The following MALRD1 variants were observed in gnomAD, a reference collection of about 807,000 sequenced individuals.
MALRD1 encodes the protein MAM and LDL-receptor class A domain-containing protein 1.
Under a neutral mutation model 242.1 loss-of-function variants are expected in MALRD1, and 247 were observed. That is an observed-to-expected ratio of 1.02 (90% CI 0.92 to 1.13). The LOEUF is 1.13. Ranked by LOEUF, MALRD1 falls within the 50% of genes most tolerant of loss-of-function variation. MALRD1 has a pLI of 0.00. For synonymous variants in MALRD1, 995 were observed against 866.6 expected, an observed-to-expected ratio of 1.15 and a Z score of -2.60; for missense variants, 2,989 against 2,533.1, an observed-to-expected ratio of 1.18 and a Z score of -3.86.
chr10:19,077,727 C>A (rs1835360620), intron 2 of MALRD1, among the ~76,000 whole-genome samples: 1 of 151,858 alleles, frequency 6.6e-6, no homozygotes, highest in Non-Finnish European at 1.5e-5. Flanking sequence ...TGGAGTGACA[C>A]ATCAGTTAAG....
chr10:19,624,061 G>T (rs759759781), intron 36 of MALRD1, among the ~76,000 whole-genome samples: 10 of 152,226 alleles, frequency 6.6e-5, no homozygotes, highest in Non-Finnish European at 1.3e-4. Context: ...TTTGCTAATT[G>T]CTAATGCGAA....
intron 7 of MALRD1, 133 bp downstream of exon 7, chr10:19,124,803 G>T: frequency 1.4e-6 from 1 of 690,766 alleles, no homozygotes; most frequent in East Asian, 3.4e-5. Context: ...TTCTGCCAAA[G>T]GAGCTGAAGG....
intron 33 of MALRD1, among the ~76,000 whole-genome samples, chr10:19,584,436 G>T (rs9731950): frequency 6.6e-6 from 1 of 151,770 alleles, no homozygotes; most frequent in Non-Finnish European, 1.5e-5. Flanking sequence ...CTTTGTTCTC[G>T]TAGGTTTCAA....
intron 38 of MALRD1, chr10:19,721,559 C>A (rs907338083): frequency 6.6e-6 from 1 of 151,734 alleles, no homozygotes; most frequent in Non-Finnish European, 1.5e-5. Context: ...CTAGTAGTAA[C>A]AAATCACATA....
At chr10:19,573,933 T>C (rs1038037305) in intron 33 of MALRD1, among the ~76,000 whole-genome samples, 1 of 152,168 alleles carries the variant, frequency 6.6e-6, no homozygotes, top group Non-Finnish European at 1.5e-5. Flanking sequence ...TTTGTTGTTA[T>C]TGAATTGAAA....
intron 36 of MALRD1, among the ~76,000 whole-genome samples, chr10:19,650,274 C>G (rs181138910): frequency 1.5e-3 from 225 of 152,190 alleles, no homozygotes; most frequent in Admixed American, 5.3e-3. Context: ...AAAAATATCA[C>G]TGAAAGCGAA....
At chr10:19,628,574 A>C (rs1839776804) in intron 36 of MALRD1, among the ~76,000 whole-genome samples, 1 of 152,100 alleles carries the variant, frequency 6.6e-6, no homozygotes, top group Admixed American at 6.6e-5. Flanking sequence ...TATGAAAAAG[A>C]AAAAAAGGAA....
chr10:19,375,877 A>C (rs2130765945), intron 26 of MALRD1, among the ~76,000 whole-genome samples: 1 of 152,334 alleles, frequency 6.6e-6, no homozygotes, highest in Admixed American at 6.5e-5. Flanking sequence ...TAATCCCAGC[A>C]CTTTGGGAGG....
intron 21 of MALRD1, among the ~76,000 whole-genome samples, chr10:19,286,557 C>T (rs1841130199): frequency 6.6e-6 from 1 of 152,096 alleles, no homozygotes; most frequent in Non-Finnish European, 1.5e-5. Context: ...CACAAATAAA[C>T]TAGAAAATCT....
chr10:19,410,583 A>G (rs1387211383), intron 28 of MALRD1, among the ~76,000 whole-genome samples: 1 of 152,028 alleles, frequency 6.6e-6, no homozygotes, highest in Non-Finnish European at 1.5e-5. Flanking sequence ...TTGATAATGG[A>G]CGCTAGGAAA....
intron 21 of MALRD1, among the ~76,000 whole-genome samples, chr10:19,286,700 T>A (rs2131902190): frequency 6.7e-6 from 1 of 150,338 alleles, no homozygotes; most frequent in Non-Finnish European, 1.5e-5. Flanking sequence ...CCAAAAAGAG[T>A]CCAGGACCAG....
chr10:19,290,772 C>A (rs968674063), intron 21 of MALRD1, among the ~76,000 whole-genome samples: 1 of 152,072 alleles, frequency 6.6e-6, no homozygotes, highest in East Asian at 1.9e-4. Flanking sequence ...ATCATTGAAT[C>A]AAGATACTTG....
chr10:19,162,245 A>G (rs1564432771), intron 12 of MALRD1, among the ~76,000 whole-genome samples: 1 of 152,150 alleles, frequency 6.6e-6, no homozygotes, highest in Non-Finnish European at 1.5e-5. Flanking sequence ...GTAATGCCTT[A>G]TACATTTTTT....
intron 24 of MALRD1, among the ~76,000 whole-genome samples, chr10:19,342,673 G>A (rs1361634178): frequency 6.6e-6 from 1 of 152,088 alleles, no homozygotes; most frequent in Non-Finnish European, 1.5e-5. Flanking sequence ...ACTGAGAATA[G>A]CTTTTGTTTT....
chr10:19,694,577 G>A (rs1428841615), intron 38 of MALRD1, among the ~76,000 whole-genome samples: 1 of 152,142 alleles, frequency 6.6e-6, no homozygotes, highest in Non-Finnish European at 1.5e-5. Context: ...GAAACAGCAG[G>A]TGCTAGAGAG....
intron 26 of MALRD1, among the ~76,000 whole-genome samples, chr10:19,377,912 C>G (rs942501888): frequency 6.6e-6 from 1 of 152,008 alleles, no homozygotes; most frequent in African/African-American, 2.4e-5. Context: ...CTATGAAATA[C>G]CAATGATAAC....
At chr10:19,052,736 C>T (rs1834546756) in intron 1 of MALRD1, among the ~76,000 whole-genome samples, 1 of 152,072 alleles carries the variant, frequency 6.6e-6, no homozygotes, top group Admixed American at 6.5e-5. Context: ...AAATGATGCC[C>T]CTTCCAAGCC....
intron 30 of MALRD1, chr10:19,493,126 A>C (rs1395587593): frequency 6.6e-6 from 1 of 152,132 alleles, no homozygotes; most frequent in African/African-American, 2.4e-5. Flanking sequence ...ATCCAAGAAA[A>C]ACAAAACCGT....
At chr10:19,674,439 AAG>A (rs1457479879) in intron 36 of MALRD1, among the ~76,000 whole-genome samples, 2 of 152,206 alleles carry the variant, frequency 1.3e-5, no homozygotes, top group Non-Finnish European at 2.9e-5. Context: ...CAAGAGGTCA[AAG>A]AGAGTCTTAG....
Sources: allele counts gnomAD v4.1 joint callset (sites outside exome capture counted in the v4.1 genomes callset), GRCh38; gene constraint gnomAD v4.1.1; transcripts MANE v1.5; gene names NCBI Gene and HGNC (gene_info 2026-07-23, HGNC 2026-07-21).